HCK: variants seen among roughly 807,000 people sequenced by gnomAD.
HCK encodes the protein HCK proto-oncogene, Src family tyrosine kinase.
In HCK, 40 loss-of-function variants were observed where a neutral mutation model predicts 70.4. The ratio of observed to expected loss-of-function variants is 0.57; its 90% CI spans 0.44 to 0.74. The LOEUF (loss-of-function observed/expected upper bound fraction) is 0.74. Among genes scored for constraint, HCK ranks in the 30% least tolerant of loss-of-function variants. The pLI, the probability that HCK is intolerant of heterozygous loss-of-function variation, is 0.00. For synonymous variants in HCK, 245 were observed against 263.2 expected (o/e 0.93, Z 0.67); for missense variants, 568 against 697.2 (o/e 0.81, Z 2.09).
At chr20:32,094,795 A>C (rs1034502718) in intron 11 of HCK, among the ~76,000 whole-genome samples, 2 of 22,938 alleles carry the variant, frequency 8.7e-5, no homozygotes, top group African/African-American at 1.9e-4. Context: ...AAGAGAAAGA[A>C]AGAAAGAAAG....
At chr20:32,063,977 T>G (rs1010693330) in intron 1 of HCK, among the ~76,000 whole-genome samples, 1 of 143,908 alleles carries the variant, frequency 6.9e-6, no homozygotes, top group Non-Finnish European at 1.5e-5. Flanking sequence ...TTGAATCACA[T>G]GCCCATCTCT....
chr20:32,082,135 A>T (rs1471149120), intron 6 of HCK, among the ~76,000 whole-genome samples: 1 of 151,880 alleles, frequency 6.6e-6, no homozygotes, highest in African/African-American at 2.4e-5. Flanking sequence ...GAGTTATTTC[A>T]CCTCTCTGGG....
rs1220938292 is a variant in HCK, at chr20:32,086,852, G to A, written c.1015+45G>A. The A allele has an allele frequency of 2.0e-6, 3 of 1,487,144 alleles. No individual in the cohort carries two copies. In the South Asian group the frequency reaches 4.1e-5, roughly 20 times the overall value. The allele number at this position is 1,487,144 out of a possible 1,614,324, so 92.1% of individuals were successfully genotyped here. On this transcript the variant is annotated intron_variant, in intron 9 of 12. Transcript: ENST00000375852. ...GGGGTGCAGGCTGTGGCCTATACTG[G>A]TCAATTGCGGGCCCAAGGGTGGCTT...
At chr20:32,059,569 G>C (rs1173512962) in intron 1 of HCK, among the ~76,000 whole-genome samples, 10 of 151,064 alleles carry the variant, frequency 6.6e-5, no homozygotes, top group Admixed American at 6.6e-4. Context: ...AGGCTGGAGT[G>C]CAGTGATGCT....
chr20:32,093,878 G>A lies in HCK; in HGVS notation c.1108G>A (p.Ala370Thr), dbSNP rs114505022. Residue 370 changes from alanine (A) to threonine (T), a missense_variant, in exon 11 of 13, where the codon GCC becomes ACC. Around this residue, in one of 4 missense-constraint regions of HCK, gnomAD observed 160 missense variants for 237.5 expected, o/e 0.67. Transcript: ENST00000375852. ...TGGGGTGCAGATTGCAGAAGGCATG[G>A]CCTTCATCGAGCAGAGGAACTACAT... 1.4e-3 allele frequency: 2,336 copies of A among 1,613,064 alleles called. 30 individuals carry two copies. In the African/African-American group the frequency reaches 0.028, roughly 19 times the overall value.
chr20:32,083,791 T>C (rs2045739853), intron 6 of HCK, 103 bp from the exon 7 acceptor site: 1 of 1,390,136 alleles, frequency 7.2e-7, no homozygotes, highest in Middle Eastern at 2.5e-4. Context: ...TGCCCAGGTG[T>C]CAGGACGGTG....
At chr20:32,062,583 AG>A (rs2045396285) in intron 1 of HCK, among the ~76,000 whole-genome samples, 1 of 152,196 alleles carries the variant, frequency 6.6e-6, no homozygotes, top group South Asian at 2.1e-4. Context: ...CGTGTGAGCC[AG>A]GGCCCACGCA....
chr20:32,058,530 C>CA (rs11472244), intron 1 of HCK, among the ~76,000 whole-genome samples: 72,500 of 130,448 alleles, frequency 0.56, 21,056 homozygotes, highest in East Asian at 0.91. Flanking sequence ...AAGACTCTGT[C>CA]AAAAAAAAAA....
intron 9 of HCK, among the ~76,000 whole-genome samples, chr20:32,088,349 C>T (rs1268586253): frequency 6.6e-6 from 1 of 152,194 alleles, no homozygotes; most frequent in African/African-American, 2.4e-5. Flanking sequence ...CAGGGGCTGT[C>T]TCAGTCACAG....
At chr20:32,078,856 CAAAA>C (rs368194350) in intron 5 of HCK, among the ~76,000 whole-genome samples, 4 of 36,230 alleles carry the variant, frequency 1.1e-4, no homozygotes, top group African/African-American at 5.9e-4. Context: ...GACTCAGTCT[CAAAA>C]AAAAAAAAAA....
At chr20:32,095,266 T>A (rs1475230225) in intron 11 of HCK, among the ~76,000 whole-genome samples, 3 of 152,154 alleles carry the variant, frequency 2.0e-5, no homozygotes, top group Non-Finnish European at 2.9e-5. Context: ...GCAATCTTTT[T>A]TTTTTCTTTG....
chr20:32,052,488 T>G lies in HCK; in HGVS notation c.62+2T>G. 3 of 1,264,830 alleles carry G rather than the reference T, an allele frequency of 2.4e-6. No individual in the cohort carries two copies. Among genetic ancestry groups the G allele is most frequent in the Non-Finnish European group, 3.0e-6 (3 of 997,194 alleles). The allele number at this position is 1,264,830 out of a possible 1,614,324, so 78.4% of individuals were successfully genotyped here. A position where few individuals can be genotyped will look rare whatever the true frequency, so the allele number is the denominator to read the frequency against. ...GCGAGACGAGGAGCGGGCGCCCAGG[T>G]GAGTGCCGCGCACAGGGGACCGGGA... On this transcript the variant is annotated splice_donor_variant, in intron 1 of 12. Coordinates refer to ENST00000375852, the MANE Select transcript of HCK (RefSeq NM_002110.5). LOFTEE classifies it high-confidence loss of function.
Position 32,071,720 on chromosome 20 carries a change from G to T in HCK, c.121G>T (p.Glu41Ter). Residue 41 changes from glutamate (E) to a stop codon, truncating the protein, a stop_gained, in exon 2 of 13, where the codon GAA becomes TAA. Transcript: ENST00000375852. LOFTEE classifies it high-confidence loss of function. Reference sequence around the variant, plus strand: ...CGGAGGCAATACATTCTCAAAAACTGAAACCAGCGCCAGCCCACACTGTCC... The same window carrying T: ...CGGAGGCAATACATTCTCAAAAACTTAAACCAGCGCCAGCCCACACTGTCC... 6.2e-7 allele frequency: 1 copy of T among 1,614,190 alleles called. No homozygotes were observed. The highest frequency in any genetic ancestry group is 8.5e-7 in the Non-Finnish European group (1 of 1,180,028).
chr20:32,057,297 T>A (rs1386811557), intron 1 of HCK, among the ~76,000 whole-genome samples: 1 of 152,206 alleles, frequency 6.6e-6, no homozygotes, highest in Non-Finnish European at 1.5e-5. Flanking sequence ...GGCTTCCTTT[T>A]TTATAGAAAA....
intron 1 of HCK, among the ~76,000 whole-genome samples, chr20:32,060,286 T>A (rs1390670315): frequency 1.3e-5 from 2 of 152,206 alleles, no homozygotes; most frequent in African/African-American, 4.8e-5. Flanking sequence ...AGTGGGGCAA[T>A]CTTGGCTCAC....
intron 1 of HCK, among the ~76,000 whole-genome samples, chr20:32,060,158 G>A (rs546003588): frequency 2.0e-5 from 3 of 152,248 alleles, no homozygotes; most frequent in South Asian, 2.1e-4. Flanking sequence ...CAGCAGAAGC[G>A]AGCAAATGTG....
At chr20:32,061,998 G>T (rs1379196127) in intron 1 of HCK, among the ~76,000 whole-genome samples, 6 of 146,822 alleles carry the variant, frequency 4.1e-5, no homozygotes, top group African/African-American at 1.5e-4. Context: ...GGACTGCAGT[G>T]GTGCGACCTC....
intron 5 of HCK, among the ~76,000 whole-genome samples, chr20:32,076,795 C>A (rs149874978): frequency 5.9e-5 from 9 of 151,994 alleles, no homozygotes; most frequent in Non-Finnish European, 1.2e-4. Flanking sequence ...GATCTAAATA[C>A]GCATATCTGG....
intron 1 of HCK, among the ~76,000 whole-genome samples, chr20:32,052,805 T>TGGGGGGGGG (rs776706589): frequency 1.5e-5 from 2 of 133,564 alleles, no homozygotes; most frequent in Admixed American, 7.3e-5. Context: ...GGATTTTTTT[T>TGGGGGGGGG]TTAATTTAAA....
Sources: gnomAD v4.1 joint callset for allele counts (sites outside exome capture counted in the v4.1 genomes callset) on GRCh38, gnomAD v4.1.1 for gene constraint, gnomAD v4.1.1 regional missense constraint, MANE v1.5 for transcripts, NCBI Gene and HGNC (gene_info 2026-07-23, HGNC 2026-07-21) for gene names.